The following PIWIL2 variants were observed in gnomAD, a reference collection of about 807,000 sequenced individuals.
The protein encoded by PIWIL2 is piwi like RNA-mediated gene silencing 2, also known as piwi-like protein 2.
A neutral mutation model predicts 116.5 loss-of-function variants in PIWIL2; 81 were observed. That is an observed-to-expected ratio of 0.70 (90% CI 0.58 to 0.84). The LOEUF is 0.84. Among genes scored for constraint, PIWIL2 ranks in the 40% least tolerant of loss-of-function variants. PIWIL2 has a pLI of 0.00. For missense variants in PIWIL2, 1,272 were observed against 1,212.3 expected, an observed-to-expected ratio of 1.05 and a Z score of -0.73; for synonymous variants, 489 against 429.5, an observed-to-expected ratio of 1.14 and a Z score of -1.71.
Position 22,311,609 on chromosome 8 carries a change from G to A in PIWIL2, c.1989+309G>A, listed in dbSNP as rs116725028. The stretch of plus-strand genomic sequence containing the variant: ...TTGTGCTCAGAAAGCAGCAGCTTGG[G>A]TTAGGTGCCGTCTTGCACGATTCAC... On this transcript the variant is annotated intron_variant, in intron 16 of 22. Transcript: ENST00000356766. Among the ~76,000 whole-genome samples the A allele has an allele frequency of 5.9e-3, 906 of 152,304 alleles. 9 individuals carry two copies. Among genetic ancestry groups the A allele is most frequent in the African/African-American group, 0.021 (866 of 41,562 alleles).
rs1831115473 is a variant in PIWIL2, at chr8:22,304,035, A to G, written c.1196A>G (p.Gln399Arg). 5.0e-6 allele frequency: 8 copies of G among 1,611,684 alleles called. No homozygotes were observed. The highest frequency in any genetic ancestry group is 1.7e-4 in the Middle Eastern group (1 of 6,046). Residue 399 changes from glutamine to arginine, a missense_variant, in exon 11 of 23, where the codon CAG becomes CGG. Transcript: ENST00000356766. ...CVLDVMHAIY[Q>R]QNKEHFQDEC... Reference sequence around the variant, plus strand: ...TCTTTCCAAAGGCATGCCATTTATCAGCAGAATAAAGAACACTTCCAGGAT... The same window carrying G: ...TCTTTCCAAAGGCATGCCATTTATCGGCAGAATAAAGAACACTTCCAGGAT...
intron 14 of PIWIL2, among the ~76,000 whole-genome samples, chr8:22,308,857 A>G (rs1831254296): frequency 6.6e-6 from 1 of 152,042 alleles, no homozygotes; most frequent in Non-Finnish European, 1.5e-5. Context: ...CCATGTTGCC[A>G]TGGCTGGTCT....
chr8:22,292,546 C>G (rs1006567899), intron 10 of PIWIL2, among the ~76,000 whole-genome samples: 1 of 152,248 alleles, frequency 6.6e-6, no homozygotes, highest in Non-Finnish European at 1.5e-5. Context: ...ACTGTCAGCT[C>G]CTCTGGCAGA....
Position 22,316,487 on chromosome 8 carries a change from G to T in PIWIL2, c.2297+154G>T, listed in dbSNP as rs1207410474. On this transcript the variant is annotated intron_variant, in intron 19 of 22. Transcript: ENST00000356766. The stretch of plus-strand genomic sequence containing the variant: ...ATCTTCATGTGAATTTTTTTTTTCG[G>T]GGGGGAGGGGTGGAAATGGAGTCTC... Among the ~76,000 whole-genome samples the T allele has an allele frequency of 6.6e-5, 10 of 150,484 alleles. No individual in the cohort carries two copies. The South Asian group carries it at 1.7e-3, about 25-fold the overall frequency.
In PIWIL2 at chr8:22,315,105, G is replaced by C. The variant is rs561520351; in HGVS notation, c.2168G>C (p.Cys723Ser). The C allele has an allele frequency of 6.2e-7, 1 of 1,612,060 alleles. No individual in the cohort carries two copies. The highest frequency in any genetic ancestry group is 1.7e-5 in the Admixed American group (1 of 60,014). Residue 723 changes from cysteine to serine, a missense_variant, in exon 18 of 23, where the codon TGT becomes TCT. Physicochemically the swap from Cys to Ser is moderately radical, Grantham distance 112. Coordinates refer to ENST00000356766, the MANE Select transcript of PIWIL2 (RefSeq NM_018068.5). Reference sequence around the variant, plus strand: ...CAGAAGATTTTACTTCAGATTAACTGTAAATTGGGTGGTGAGCTCTGGGGA... The same window carrying C: ...CAGAAGATTTTACTTCAGATTAACTCTAAATTGGGTGGTGAGCTCTGGGGA... ...VAQKILLQINCKLGGELWGVD... is the reference protein window; with the variant it reads ...VAQKILLQINSKLGGELWGVD...
chr8:22,351,482 T>TATATATATATATATAA (rs1401638608), intron 20 of PIWIL2, among the ~76,000 whole-genome samples: 1 of 115,690 alleles, frequency 8.6e-6, no homozygotes, highest in African/African-American at 3.1e-5. Context: ...TATATATATA[T>TATATATATATATATAA]AATTTATATC....
chr8:22,303,424 C>G, intron 10 of PIWIL2, among the ~76,000 whole-genome samples: 1 of 152,188 alleles, frequency 6.6e-6, no homozygotes, highest in Non-Finnish European at 1.5e-5. Flanking sequence ...CAGGGCCTTA[C>G]TTTGTCACCC....
chr8:22,315,536 C>T (rs1170921172), intron 18 of PIWIL2, among the ~76,000 whole-genome samples: 1 of 152,132 alleles, frequency 6.6e-6, no homozygotes, highest in Non-Finnish European at 1.5e-5. Context: ...AGGCTGGTCT[C>T]AAACTCCTGA....
At chr8:22,335,930 G>A (rs1831971399) in intron 20 of PIWIL2, among the ~76,000 whole-genome samples, 1 of 152,138 alleles carries the variant, frequency 6.6e-6, no homozygotes. Context: ...TAGCAAAAGA[G>A]TCAATCCATG....
At chr8:22,340,819 C>G (rs1211835564) in intron 20 of PIWIL2, among the ~76,000 whole-genome samples, 3 of 152,110 alleles carry the variant, frequency 2.0e-5, no homozygotes, top group African/African-American at 7.2e-5. Flanking sequence ...TGAAGCAATT[C>G]TCCCACCTCC....
chr8:22,347,687 T>A (rs892172534), intron 20 of PIWIL2, among the ~76,000 whole-genome samples: 1 of 151,636 alleles, frequency 6.6e-6, no homozygotes, highest in Non-Finnish European at 1.5e-5. Context: ...CCAGCATGCC[T>A]GGCTAATTTT....
At chr8:22,279,805 A>T (rs1486867250) in intron 2 of PIWIL2, among the ~76,000 whole-genome samples, 1 of 152,160 alleles carries the variant, frequency 6.6e-6, no homozygotes, top group Non-Finnish European at 1.5e-5. Flanking sequence ...GAAAATACAA[A>T]AATTAGCCAG....
intron 10 of PIWIL2, among the ~76,000 whole-genome samples, chr8:22,295,680 C>T (rs1563364038): frequency 6.6e-6 from 1 of 152,132 alleles, no homozygotes; most frequent in Non-Finnish European, 1.5e-5. Flanking sequence ...GCTTGGTGTT[C>T]TACCACCTTC....
At chr8:22,293,516 G>A (rs1033626687) in intron 10 of PIWIL2, among the ~76,000 whole-genome samples, 1 of 152,040 alleles carries the variant, frequency 6.6e-6, no homozygotes, top group Non-Finnish European at 1.5e-5. Flanking sequence ...GTAGAGACAG[G>A]GTTTCGCCAT....
chr8:22,327,889 C>A (rs1831764111), intron 20 of PIWIL2, among the ~76,000 whole-genome samples: 2 of 152,112 alleles, frequency 1.3e-5, no homozygotes, highest in African/African-American at 4.8e-5. Context: ...AAATATCTCC[C>A]CCCATTCTTT....
chr8:22,283,008 G>C (rs775980273), intron 4 of PIWIL2, 26 bp from the exon 5 acceptor site: 1 of 1,583,590 alleles, frequency 6.3e-7, no homozygotes, highest in Non-Finnish European at 8.7e-7. Flanking sequence ...AAAAAACCCT[G>C]ATTTGCCTCT....
chr8:22,312,148 C>G (rs1831347948), intron 16 of PIWIL2, among the ~76,000 whole-genome samples: 1 of 151,754 alleles, frequency 6.6e-6, no homozygotes, highest in African/African-American at 2.4e-5. Context: ...CCTGTAGTAC[C>G]AGCTACTCAG....
chr8:22,351,461 A>ATATG (rs1832357433), intron 20 of PIWIL2, among the ~76,000 whole-genome samples: 1 of 87,714 alleles, frequency 1.1e-5, no homozygotes, highest in Non-Finnish European at 2.2e-5. Context: ...ATATATATAT[A>ATATG]TATATATATA....
At chr8:22,316,112 T>C (rs1831452623) in intron 18 of PIWIL2, 133 bp from the exon 19 acceptor site, 2 of 602,000 alleles carry the variant, frequency 3.3e-6, no homozygotes, top group Non-Finnish European at 5.9e-6. Context: ...GTCTTTTTTT[T>C]TTCTTTCCCA....
Sources: gnomAD v4.1 joint callset for allele counts (sites outside exome capture counted in the v4.1 genomes callset) on GRCh38, gnomAD v4.1.1 for gene constraint, MANE v1.5 for transcripts, NCBI Gene and HGNC (gene_info 2026-07-23, HGNC 2026-07-21) for gene names.